The following EYS variants were observed in gnomAD, a reference collection of about 807,000 sequenced individuals.
The protein encoded by EYS is EGF-like photoreceptor maintenance factor, also known as protein eyes shut homolog.
In EYS, 250 loss-of-function variants were observed where a neutral mutation model predicts 282.1. The ratio of observed to expected loss-of-function variants is 0.89; its 90% CI spans 0.80 to 0.98. The LOEUF is 0.98. EYS is among the 50% of genes least tolerant of loss of function. The pLI is 0.00. For missense variants in EYS, 4,016 were observed against 3,709.0 expected (o/e 1.08, Z -2.15); for synonymous variants, 1,355 against 1,282.9 (o/e 1.06, Z -1.20).
intron 12 of EYS, among the ~76,000 whole-genome samples, chr6:65,245,039 C>A (rs1767146792): frequency 6.6e-6 from 1 of 152,100 alleles, no homozygotes; most frequent in Non-Finnish European, 1.5e-5. Context: ...TACTGCTGCT[C>A]ACATTATTAA....
intron 25 of EYS, among the ~76,000 whole-genome samples, chr6:64,592,342 G>A (rs553703487): frequency 3.9e-5 from 6 of 152,130 alleles, no homozygotes; most frequent in South Asian, 2.1e-4. Flanking sequence ...TTGACCCATC[G>A]GGTTAGAAAT....
chr6:64,073,593 A>C (rs964488179), intron 32 of EYS, among the ~76,000 whole-genome samples: 2 of 151,852 alleles, frequency 1.3e-5, no homozygotes, highest in Non-Finnish European at 2.9e-5. Context: ...AGAAACTTGA[A>C]TTTTCAAAAT....
chr6:65,435,929 T>G (rs1471875421), intron 5 of EYS, among the ~76,000 whole-genome samples: 1 of 152,114 alleles, frequency 6.6e-6, no homozygotes, highest in Non-Finnish European at 1.5e-5. Flanking sequence ...GAGAGGCCTA[T>G]GAAGAAACAA....
At chr6:64,774,241 AT>A in intron 22 of EYS, among the ~76,000 whole-genome samples, 1 of 151,990 alleles carries the variant, frequency 6.6e-6, no homozygotes, top group South Asian at 2.1e-4. Flanking sequence ...ACTGAAGATA[AT>A]TTTTCAAGGT....
chr6:64,325,369 G>A (rs912124054), intron 29 of EYS, among the ~76,000 whole-genome samples: 1 of 152,170 alleles, frequency 6.6e-6, no homozygotes, highest in African/African-American at 2.4e-5. Context: ...AAGGGGGAGA[G>A]AACTGCATCA....
chr6:63,897,363 T>A (rs1773560183), intron 35 of EYS, among the ~76,000 whole-genome samples: 1 of 152,170 alleles, frequency 6.6e-6, no homozygotes, highest in African/African-American at 2.4e-5. Context: ...GGAGACTATA[T>A]TTTGGATTAT....
At chr6:64,730,542 G>A (rs555416882) in intron 22 of EYS, among the ~76,000 whole-genome samples, 94 of 152,180 alleles carry the variant, frequency 6.2e-4, no homozygotes, top group African/African-American at 4.6e-4. Flanking sequence ...GCAGTGGCGC[G>A]ATCTTGGCTC....
At chr6:63,879,897 CCTT>C (rs758173312) in intron 35 of EYS, among the ~76,000 whole-genome samples, 18 of 152,076 alleles carry the variant, frequency 1.2e-4, no homozygotes, top group Non-Finnish European at 2.4e-4. Context: ...GGTGTGGTCA[CCTT>C]CTATTTGAAG....
chr6:64,886,592 G>T, intron 19 of EYS, 105 bp downstream of exon 19: 2 of 878,144 alleles, frequency 2.3e-6, no homozygotes, highest in Non-Finnish European at 3.2e-6. Context: ...TTTTTGCCCT[G>T]TTTGCATCTG....
At chr6:65,597,518 G>C (rs374645072) in intron 2 of EYS, among the ~76,000 whole-genome samples, 1 of 152,066 alleles carries the variant, frequency 6.6e-6, no homozygotes, top group Non-Finnish European at 1.5e-5. Context: ...CCCCCAAACT[G>C]TAAGTTGGAA....
intron 22 of EYS, among the ~76,000 whole-genome samples, chr6:64,651,739 TAA>T (rs1472404071): frequency 2.6e-5 from 4 of 152,168 alleles, no homozygotes; most frequent in Non-Finnish European, 4.4e-5. Context: ...AATATTGTTA[TAA>T]GAGATTTTAT....
chr6:64,887,577 T>C (rs1767138291), intron 18 of EYS, among the ~76,000 whole-genome samples: 1 of 152,064 alleles, frequency 6.6e-6, no homozygotes, highest in South Asian at 2.1e-4. Context: ...ATAAAATGTT[T>C]TTGAGCTAGA....
chr6:64,205,655 C>T (rs906462941), intron 31 of EYS, among the ~76,000 whole-genome samples: 6 of 152,088 alleles, frequency 3.9e-5, no homozygotes, highest in African/African-American at 1.4e-4. Context: ...TTGACCCAAT[C>T]TCTAAATAAA....
rs113138177 is a variant in EYS, at chr6:64,671,594, C to T, written c.3444-45349G>A. Among the ~76,000 whole-genome samples, 920 of 152,166 alleles carry T rather than the reference C, an allele frequency of 6.0e-3. 3 individuals carry two copies. The highest frequency in any genetic ancestry group is 9.9e-3 in the Non-Finnish European group (670 of 68,000). On this transcript the variant is annotated intron_variant, in intron 22 of 42. Transcript: ENST00000503581. ...TTCAGGGATGAGGAAGGAGCTTCAA[C>T]CTGGTTATATTTTGTTTTTAAGACA...
At chr6:65,355,313 G>GA (rs5876958) in intron 8 of EYS, among the ~76,000 whole-genome samples, 136,935 of 152,078 alleles carry the variant, frequency 0.9, 61,969 homozygotes, top group Non-Finnish European at 0.95. Flanking sequence ...CACCACTAAA[G>GA]ACTTATTCAT....
chr6:64,987,454 T>C (rs1770899550), intron 14 of EYS, among the ~76,000 whole-genome samples: 3 of 151,568 alleles, frequency 2.0e-5, no homozygotes, highest in African/African-American at 7.3e-5. Flanking sequence ...CAAATATGCA[T>C]GCAGTTTATA....
intron 14 of EYS, among the ~76,000 whole-genome samples, chr6:64,987,242 C>A (rs77961469): frequency 0.14 from 20,609 of 151,430 alleles, 1,518 homozygotes; most frequent in East Asian, 0.23. Context: ...CCTCTCAGTG[C>A]AAGCTTCCAT....
At chr6:64,825,922 T>TATAA (rs1554207579) in intron 19 of EYS, among the ~76,000 whole-genome samples, 39 of 149,726 alleles carry the variant, frequency 2.6e-4, no homozygotes, top group African/African-American at 9.6e-4. Flanking sequence ...TATATATATA[T>TATAA]AAATACATAT....
At chr6:64,951,282 C>T (rs1769498771) in intron 14 of EYS, among the ~76,000 whole-genome samples, 2 of 151,850 alleles carry the variant, frequency 1.3e-5, no homozygotes, top group African/African-American at 4.8e-5. Flanking sequence ...ATGAACACAA[C>T]AGAGGGGCAT....
Sources: allele counts gnomAD v4.1 joint callset (sites outside exome capture counted in the v4.1 genomes callset), GRCh38; gene constraint gnomAD v4.1.1; transcripts MANE v1.5; gene names NCBI Gene and HGNC (gene_info 2026-07-23, HGNC 2026-07-21).